The following RARB variants were observed in gnomAD, a reference collection of about 807,000 sequenced individuals.
RARB encodes the protein HBV-activated protein.
RARB carries 17 observed loss-of-function variants against 51.9 expected under a neutral mutation model. The observed-to-expected ratio is 0.33, with a 90% CI of 0.22 to 0.49. The LOEUF is 0.49. Ranked by LOEUF, RARB falls within the 20% of genes least tolerant of loss-of-function variation. The pLI is 0.99. For missense variants in RARB, 369 were observed against 550.8 expected (o/e 0.67, Z 3.30); for synonymous variants, 215 against 195.4 (o/e 1.10, Z -0.84).
At chr3:25,118,939 A>G (rs1301460365) in intron 3 of RARB, among the ~76,000 whole-genome samples, 1 of 152,162 alleles carries the variant, frequency 6.6e-6, no homozygotes, top group African/African-American at 2.4e-5. Context: ...AAAAAATAAA[A>G]ATATCAGTAA....
chr3:24,905,882 C>A (rs1193897027), intron 2 of RARB, among the ~76,000 whole-genome samples: 1 of 152,088 alleles, frequency 6.6e-6, no homozygotes, highest in East Asian at 1.9e-4. Flanking sequence ...ACTATTTTAC[C>A]ATGATTATAT....
chr3:25,456,680 T>TAG (rs1457174762), intron 1 of RARB, among the ~76,000 whole-genome samples: 289 of 99,938 alleles, frequency 2.9e-3, no homozygotes, highest in East Asian at 9.0e-3. Flanking sequence ...TATATATATA[T>TAG]ATAGAGAGAG....
At chr3:25,416,273 C>G (rs1422241343) in intron 5 of RARB, among the ~76,000 whole-genome samples, 1 of 152,164 alleles carries the variant, frequency 6.6e-6, no homozygotes, top group Admixed American at 6.5e-5. Context: ...CCTGTAGTCC[C>G]AGCTACTTAC....
rs149915492 is a variant in RARB at position 25,016,529 on chromosome 3, A to G, written c.-379-43596A>G. On this transcript the variant is annotated intron_variant, in intron 2 of 11. Coordinates refer to the RARB transcript ENST00000383772. ...ATCATCCAATGTTAAGAATGTTCCAACGTTACTGGTTTGGAACATTCACAG... is the reference window on the plus strand; with the variant it reads ...ATCATCCAATGTTAAGAATGTTCCAGCGTTACTGGTTTGGAACATTCACAG... Among the ~76,000 whole-genome samples, 12 of 152,288 alleles carry G rather than the reference A, an allele frequency of 7.9e-5. No homozygotes were observed. The East Asian group carries it at 2.1e-3, about 27-fold the overall frequency.
rs1708363263 is a variant in RARB at position 25,434,788 on chromosome 3, C to T, written c.157+5900C>T. 2.0e-5 allele frequency among the ~76,000 whole-genome samples: 3 copies of T among 152,004 alleles called. 1 individual carries two copies. Among genetic ancestry groups the T allele is most frequent in the Admixed American group, 2.0e-4 (3 of 15,262 alleles). On this transcript the variant is annotated intron_variant, in intron 1 of 7. Transcript: ENST00000330688. ...ATCTCCTGACCTCGTGATCTGCCCA[C>T]CTCGGCCTCCCAAAGTGCTGAGATT...
chr3:25,519,421 C>A (rs1309612849), intron 3 of RARB, among the ~76,000 whole-genome samples: 2 of 152,192 alleles, frequency 1.3e-5, no homozygotes, highest in African/African-American at 4.8e-5. Context: ...CACATCCTTG[C>A]CATACCTTGA....
chr3:25,513,676 A>ACACACACACACACACACACACACC (rs1698020132), intron 3 of RARB, among the ~76,000 whole-genome samples: 1 of 151,998 alleles, frequency 6.6e-6, no homozygotes, highest in Non-Finnish European at 1.5e-5. Flanking sequence ...ACACACACAC[A>ACACACACACACACACACACACACC]CACACACACA....
chr3:24,883,167 A>G (rs1217752831), intron 2 of RARB, among the ~76,000 whole-genome samples: 1 of 152,182 alleles, frequency 6.6e-6, no homozygotes, highest in Non-Finnish European at 1.5e-5. Flanking sequence ...CCCTTTATTT[A>G]AGCCAGTCAA....
At chr3:25,301,839 A>G (rs1704048853) in intron 5 of RARB, among the ~76,000 whole-genome samples, 1 of 152,188 alleles carries the variant, frequency 6.6e-6, no homozygotes, top group South Asian at 2.1e-4. Flanking sequence ...ATGCCAGACC[A>G]TTGGTGTCAG....
intron 1 of RARB, among the ~76,000 whole-genome samples, chr3:25,435,359 C>T (rs753584447): frequency 3.7e-4 from 56 of 152,132 alleles, no homozygotes; most frequent in Admixed American, 3.3e-4. Flanking sequence ...ATTTTTTTCC[C>T]ATTTCCAGAG....
In RARB at chr3:25,285,708, G is replaced by A. The variant is rs1339411066; in HGVS notation, c.178+111133G>A. On this transcript the variant is annotated intron_variant, in intron 5 of 11. Coordinates refer to the RARB transcript ENST00000383772. ...ACGAATTGGAGGGAATGCAGAGGACGCAGTGTGACTATGCCCATTTTACCA... is the reference window on the plus strand; with the variant it reads ...ACGAATTGGAGGGAATGCAGAGGACACAGTGTGACTATGCCCATTTTACCA... 4.6e-5 allele frequency among the ~76,000 whole-genome samples: 7 copies of A among 152,274 alleles called. No homozygotes were observed. In the South Asian group the frequency reaches 1.2e-3, roughly 27 times the overall value.
intron 5 of RARB, among the ~76,000 whole-genome samples, chr3:25,402,774 A>G (rs1227324440): frequency 6.6e-6 from 1 of 152,166 alleles, no homozygotes; most frequent in Non-Finnish European, 1.5e-5. Flanking sequence ...ACTCATGGCC[A>G]TAGAAAGTAG....
intron 2 of RARB, among the ~76,000 whole-genome samples, chr3:24,904,192 A>G (rs1241782344): frequency 2.0e-5 from 3 of 152,210 alleles, no homozygotes; most frequent in Non-Finnish European, 4.4e-5. Context: ...TTATCTTTAA[A>G]ATGATAATAT....
intron 5 of RARB, among the ~76,000 whole-genome samples, chr3:25,393,925 A>G (rs1319584072): frequency 6.6e-6 from 1 of 150,682 alleles, no homozygotes; most frequent in African/African-American, 2.4e-5. Flanking sequence ...TTTTGCTCTG[A>G]TCTTTGTTAT....
intron 5 of RARB, among the ~76,000 whole-genome samples, chr3:25,298,374 G>T (rs1302209331): frequency 1.3e-5 from 2 of 151,904 alleles, no homozygotes; most frequent in Non-Finnish European, 2.9e-5. Context: ...TAGAGATGGG[G>T]TTTCACTGTG....
At chr3:25,105,449 G>A (rs1436786742) in intron 3 of RARB, among the ~76,000 whole-genome samples, 1 of 146,708 alleles carries the variant, frequency 6.8e-6, no homozygotes, top group African/African-American at 2.5e-5. Context: ...AAGAAGATTT[G>A]TGGTGCCATA....
At chr3:25,219,199 C>G (rs1023781854) in intron 5 of RARB, among the ~76,000 whole-genome samples, 1 of 151,692 alleles carries the variant, frequency 6.6e-6, no homozygotes, top group Non-Finnish European at 1.5e-5. Context: ...CTGAAGTTTC[C>G]TATTAAAGTC....
At chr3:25,449,783 G>T (rs1709110372) in intron 1 of RARB, among the ~76,000 whole-genome samples, 1 of 149,348 alleles carries the variant, frequency 6.7e-6, no homozygotes, top group African/African-American at 2.5e-5. Flanking sequence ...ACGGAGTCCT[G>T]CTGTGTTGCC....
At chr3:25,152,294 T>C (rs905723447) in intron 4 of RARB, among the ~76,000 whole-genome samples, 3 of 152,218 alleles carry the variant, frequency 2.0e-5, no homozygotes, top group Non-Finnish European at 2.9e-5. Context: ...AAAACTTGGC[T>C]AAAAATTTTA....
Sources: allele counts gnomAD v4.1 joint callset (sites outside exome capture counted in the v4.1 genomes callset), GRCh38; gene constraint gnomAD v4.1.1; transcripts MANE v1.5; gene names NCBI Gene and HGNC (gene_info 2026-07-23, HGNC 2026-07-21).